PCDH15: variants seen among roughly 807,000 people sequenced by gnomAD.
The protein encoded by PCDH15 is protocadherin related 15, also known as protocadherin-15.
A neutral mutation model predicts 178.5 loss-of-function variants in PCDH15; 129 were observed. The ratio of observed to expected loss-of-function variants is 0.72; its 90% CI spans 0.63 to 0.84. PCDH15 has a LOEUF of 0.84. Ranked by LOEUF, PCDH15 falls within the 40% of genes least tolerant of loss-of-function variation. PCDH15 has a pLI of 0.00. For synonymous variants in PCDH15, 800 were observed against 732.0 expected, an observed-to-expected ratio of 1.09 and a Z score of -1.50; for missense variants, 2,230 against 2,099.9, an observed-to-expected ratio of 1.06 and a Z score of -1.21.
At chr10:54,262,156 C>G (rs1236944931) in intron 8 of PCDH15, among the ~76,000 whole-genome samples, 1 of 152,110 alleles carries the variant, frequency 6.6e-6, no homozygotes, top group African/African-American at 2.4e-5. Context: ...TGCAGAGGCA[C>G]AGTTTGAACC....
intron 2 of PCDH15, among the ~76,000 whole-genome samples, chr10:55,574,676 A>T (rs986809109): frequency 1.3e-5 from 2 of 152,034 alleles, no homozygotes; most frequent in African/African-American, 4.8e-5. Context: ...CTATACTTTT[A>T]ATGAGAAAAG....
intron 5 of PCDH15, among the ~76,000 whole-genome samples, chr10:54,352,028 T>C (rs912826474): frequency 4.6e-5 from 7 of 152,230 alleles, no homozygotes; most frequent in African/African-American, 9.6e-5. Context: ...GTTGTACATA[T>C]ATATTTGGTG....
chr10:55,229,267 T>A (rs540841602), intron 1 of PCDH15, among the ~76,000 whole-genome samples: 1 of 151,828 alleles, frequency 6.6e-6, no homozygotes, highest in East Asian at 1.9e-4. Flanking sequence ...CCTAACAAAA[T>A]TTTTCAAATA....
chr10:54,543,919 C>T (rs1435482802), intron 2 of PCDH15, among the ~76,000 whole-genome samples: 1 of 152,174 alleles, frequency 6.6e-6, no homozygotes, highest in Admixed American at 6.5e-5. Context: ...CATAACATTT[C>T]TCATTTTTAT....
chr10:54,798,500 A>C (rs1591692077), intron 1 of PCDH15, among the ~76,000 whole-genome samples: 2 of 152,230 alleles, frequency 1.3e-5, no homozygotes, highest in Admixed American at 1.3e-4. Context: ...CTTATTTTGC[A>C]TGTGAAAACC....
chr10:55,243,215 A>T (rs989184835), intron 1 of PCDH15, among the ~76,000 whole-genome samples: 2 of 152,194 alleles, frequency 1.3e-5, no homozygotes, highest in African/African-American at 4.8e-5. Flanking sequence ...TTCATATTCC[A>T]TTGAACTCTG....
In PCDH15 at chr10:55,276,749, T is replaced by C. The variant is rs987828453; in HGVS notation, c.-156+42850A>G. On this transcript the variant is annotated intron_variant, in intron 1 of 5. Coordinates refer to the PCDH15 transcript ENST00000458638. ...TTATTTTATTATTCTCAGGATCATT[T>C]GGTATAAAATTGGACGCATTATTTC... Among the ~76,000 whole-genome samples the C allele has an allele frequency of 4.0e-5, 6 of 151,788 alleles. No homozygotes were observed. In the East Asian group the frequency reaches 9.6e-4, roughly 24 times the overall value.
At chr10:54,939,821 C>A (rs1838015190) in intron 2 of PCDH15, among the ~76,000 whole-genome samples, 1 of 152,052 alleles carries the variant, frequency 6.6e-6, no homozygotes, top group Non-Finnish European at 1.5e-5. Flanking sequence ...GTGCAAGGGG[C>A]AAAACAGGTT....
At chr10:54,815,969 T>C (rs1430626136) in intron 3 of PCDH15, among the ~76,000 whole-genome samples, 3 of 152,122 alleles carry the variant, frequency 2.0e-5, no homozygotes, top group Non-Finnish European at 2.9e-5. Flanking sequence ...ATTTTATCAG[T>C]ATGTCTTCTG....
chr10:54,145,398 A>G (rs985908480), intron 14 of PCDH15, among the ~76,000 whole-genome samples: 2 of 151,514 alleles, frequency 1.3e-5, no homozygotes, highest in Middle Eastern at 6.8e-3. Context: ...GGTAGATTTC[A>G]GACAGATTAA....
chr10:54,163,559 C>T lies in PCDH15; in HGVS notation c.1591-10266G>A, dbSNP rs192351847. Reference sequence around the variant, plus strand: ...AGGCCCCTACTCCAATACTAAGGTTCACAACTCAAGGTGAGATTTGGGTGG... The same window carrying T: ...AGGCCCCTACTCCAATACTAAGGTTTACAACTCAAGGTGAGATTTGGGTGG... On this transcript the variant is annotated intron_variant, in intron 13 of 37. Transcript: ENST00000644397. Among the ~76,000 whole-genome samples the T allele has an allele frequency of 3.9e-5, 6 of 152,206 alleles. No homozygotes were observed. In the East Asian group the frequency reaches 1.2e-3, roughly 30 times the overall value.
At chr10:54,160,139 C>G (rs2045562335) in intron 13 of PCDH15, among the ~76,000 whole-genome samples, 1 of 152,026 alleles carries the variant, frequency 6.6e-6, no homozygotes. Context: ...GGGCAGGGAG[C>G]ATAGATGTCC....
intron 2 of PCDH15, among the ~76,000 whole-genome samples, chr10:55,496,052 T>C (rs1188664758): frequency 2.6e-5 from 4 of 151,748 alleles, no homozygotes; most frequent in African/African-American, 9.7e-5. Flanking sequence ...TGGCTGCAAA[T>C]GGGCTGAATA....
intron 15 of PCDH15, among the ~76,000 whole-genome samples, chr10:54,113,309 A>G (rs1438832158): frequency 1.3e-5 from 2 of 152,174 alleles, no homozygotes; most frequent in Non-Finnish European, 2.9e-5. Flanking sequence ...TGTTTTGTTT[A>G]CTCCAGATAA....
intron 16 of PCDH15, among the ~76,000 whole-genome samples, chr10:54,080,935 G>A (rs2094428409): frequency 6.6e-6 from 1 of 152,032 alleles, no homozygotes; most frequent in African/African-American, 2.4e-5. Flanking sequence ...TAAGAAACAG[G>A]AAAGCTGAAA....
At chr10:54,052,190 G>A (rs1054779615) in intron 18 of PCDH15, among the ~76,000 whole-genome samples, 4 of 152,196 alleles carry the variant, frequency 2.6e-5, no homozygotes, top group African/African-American at 9.7e-5. Context: ...CTGGGGCACT[G>A]CCTAGTGAAG....
chr10:55,567,936 A>G (rs1051349974), intron 2 of PCDH15, among the ~76,000 whole-genome samples: 25 of 152,010 alleles, frequency 1.6e-4, no homozygotes, highest in African/African-American at 5.6e-4. Flanking sequence ...GTAAGAATGG[A>G]GAGAACATAA....
intron 2 of PCDH15, among the ~76,000 whole-genome samples, chr10:55,560,916 A>G (rs1564454741): frequency 6.6e-6 from 1 of 151,928 alleles, no homozygotes; most frequent in African/African-American, 2.4e-5. Flanking sequence ...TTTTGTTGCA[A>G]AAATTTCACA....
intron 26 of PCDH15, among the ~76,000 whole-genome samples, chr10:53,885,728 C>G (rs2081047951): frequency 6.6e-6 from 1 of 152,096 alleles, no homozygotes; most frequent in Non-Finnish European, 1.5e-5. Context: ...AGAGAACCAA[C>G]TATCTCATTT....
Sources: allele counts gnomAD v4.1 joint callset (sites outside exome capture counted in the v4.1 genomes callset), GRCh38; gene constraint gnomAD v4.1.1; transcripts MANE v1.5; gene names NCBI Gene and HGNC (gene_info 2026-07-23, HGNC 2026-07-21).